ZNF653: variants seen among roughly 807,000 people sequenced by gnomAD.
The protein encoded by ZNF653 is zinc finger protein 653.
A neutral mutation model predicts 59.9 loss-of-function variants in ZNF653; 37 were observed. That is an observed-to-expected ratio of 0.62 (90% CI 0.48 to 0.81). The LOEUF (loss-of-function observed/expected upper bound fraction) is 0.81. Among genes scored for constraint, ZNF653 ranks in the 40% least tolerant of loss-of-function variants. The probability of loss-of-function intolerance (pLI) is 0.00; values close to 1 mark genes in which losing one functional copy is unlikely to be tolerated. For missense variants in ZNF653, 808 were observed against 881.1 expected, an observed-to-expected ratio of 0.92 and a Z score of 1.05; for synonymous variants, 435 against 371.8, an observed-to-expected ratio of 1.17 and a Z score of -1.96.
rs531195668 is a variant in ZNF653, at chr19:11,502,120, C to G, written c.299+3368G>C. On this transcript the variant is annotated intron_variant, in intron 1 of 8. Transcript: ENST00000293771. The stretch of plus-strand genomic sequence containing the variant: ...TTTTTATTTTACTTTTTGAGACAGT[C>G]TTGCTCTATTGCCCAGGCTGGAGTA... Among the ~76,000 whole-genome samples the G allele has an allele frequency of 3.3e-5, 5 of 149,804 alleles. No individual in the cohort carries two copies. The South Asian group carries it at 1.1e-3, about 32-fold the overall frequency.
At position 11,483,591 on chromosome 19, in the gene ZNF653, C is replaced by T; in HGVS notation, c.*91G>A. On this transcript the variant is annotated 3_prime_UTR_variant, in exon 9 of 9. Coordinates refer to ENST00000293771, the MANE Select transcript of ZNF653 (RefSeq NM_138783.4). ...GGGCGCCTCCTTCCGGCCCGCGGTC[C>T]GGGCGGCCCTCGCAGCTGTCCAGGC... 6.8e-7 allele frequency: 1 copy of T among 1,475,820 alleles called. No individual in the cohort carries two copies. The highest frequency in any genetic ancestry group is 9.0e-7 in the Non-Finnish European group (1 of 1,107,582). The allele number at this position is 1,475,820 out of a possible 1,614,324, so 91.4% of individuals were successfully genotyped here.
At chr19:11,494,276 C>T (rs748582079) in intron 3 of ZNF653, among the ~76,000 whole-genome samples, 1 of 149,660 alleles carries the variant, frequency 6.7e-6, no homozygotes, top group South Asian at 2.1e-4. Flanking sequence ...GAGCCAAGAT[C>T]GCACCACTGC....
chr19:11,493,996 G>A (rs1395055020), intron 3 of ZNF653, among the ~76,000 whole-genome samples: 1 of 151,680 alleles, frequency 6.6e-6, no homozygotes, highest in East Asian at 1.9e-4. Context: ...TCCAGCCTGG[G>A]CAACCGTGAG....
intron 2 of ZNF653, 45 bp downstream of exon 2, chr19:11,498,251 C>T (rs769658298): frequency 3.8e-5 from 62 of 1,613,102 alleles, no homozygotes; most frequent in Admixed American, 1.0e-4. Context: ...ATATTCCCAC[C>T]GCTCCCAACT....
intron 1 of ZNF653, among the ~76,000 whole-genome samples, chr19:11,501,304 G>C (rs1390064226): frequency 6.6e-6 from 1 of 151,392 alleles, no homozygotes; most frequent in Admixed American, 6.6e-5. Flanking sequence ...TCAGCCTCCT[G>C]AGTAGCTGGG....
rs1568393696 is a variant in ZNF653 at position 11,487,617 on chromosome 19, A to AGGCACC, written c.840_845dup (p.Pro282_Val283dup). On this transcript the variant is annotated inframe_insertion, in exon 4 of 9. Coordinates refer to ENST00000293771, the MANE Select transcript of ZNF653 (RefSeq NM_138783.4). This position sits in a 1 kb window ranked among gnomAD's most constrained non-coding sequence, Gnocchi z 5.1. ...CGCTGGGGCCCGCACCCACTTGCACAGGCACCGGCACGCACACCACTGTCT... is the reference window on the plus strand; with the variant it reads ...CGCTGGGGCCCGCACCCACTTGCACAGGCACCGGCACCGGCACGCACACCACTGTCT... 16 of 1,613,738 alleles carry AGGCACC rather than the reference A, an allele frequency of 9.9e-6. No homozygotes were observed. Among genetic ancestry groups the AGGCACC allele is most frequent in the Non-Finnish European group, 1.4e-5 (16 of 1,179,982 alleles).
Position 11,483,934 on chromosome 19 carries a change from C to T in ZNF653, c.1671-75G>A, listed in dbSNP as rs921258379. 3.0e-5 allele frequency: 46 copies of T among 1,517,796 alleles called. No homozygotes were observed. In the Admixed American group the frequency reaches 6.9e-4, roughly 23 times the overall value. 94.0% of individuals were successfully genotyped at this position (1,517,796 alleles called of 1,614,324 possible). On this transcript the variant is annotated intron_variant, in intron 8 of 8. Transcript: ENST00000293771. ...GGGCGGGGCCCTACAAGGCCGAGCG[C>T]AGGTGGAACCGGGCCCAGACACTGC...
At chr19:11,492,613 G>C (rs1971540455) in intron 3 of ZNF653, among the ~76,000 whole-genome samples, 1 of 151,972 alleles carries the variant, frequency 6.6e-6, no homozygotes, top group Non-Finnish European at 1.5e-5. Context: ...CAAAGCACTG[G>C]GATTACAGGC....
intron 7 of ZNF653, among the ~76,000 whole-genome samples, chr19:11,485,400 A>G (rs1971455207): frequency 6.6e-6 from 1 of 152,114 alleles, no homozygotes; most frequent in Non-Finnish European, 1.5e-5. Flanking sequence ...TGCTCTTGGG[A>G]TCATGGGGCA....
chr19:11,491,417 C>T (rs1348188229), intron 3 of ZNF653, among the ~76,000 whole-genome samples: 5 of 152,154 alleles, frequency 3.3e-5, no homozygotes, highest in Non-Finnish European at 7.4e-5. Context: ...ATGGAAGCAC[C>T]AGGCTTTGTA....
At chr19:11,493,064 T>G (rs1322483246) in intron 3 of ZNF653, among the ~76,000 whole-genome samples, 1 of 145,634 alleles carries the variant, frequency 6.9e-6, no homozygotes, top group East Asian at 2.1e-4. Flanking sequence ...CGGGAGTGTT[T>G]TTTTTTTTTT....
chr19:11,485,952 A>AT (rs1053596795), intron 6 of ZNF653, among the ~76,000 whole-genome samples, 182 bp from the exon 7 acceptor site: 6 of 151,460 alleles, frequency 4.0e-5, no homozygotes, highest in Admixed American at 2.0e-4. Flanking sequence ...GGGTAGCTTT[A>AT]TTTTTTTTAT....
In ZNF653 at chr19:11,495,597, C is replaced by T. The variant is rs1265276847; in HGVS notation, c.559+353G>A. On this transcript the variant is annotated intron_variant, in intron 3 of 8. Coordinates refer to ENST00000293771, the MANE Select transcript of ZNF653 (RefSeq NM_138783.4). This position sits in a 1 kb window ranked among gnomAD's most constrained non-coding sequence, Gnocchi z 4.9. ...AGCCATAAGGCCTGGGTGGTTTAGG[C>T]GGCCGTTTCGCTGTGGGGGCCGAGC... The T allele has an allele frequency of 8.7e-6, 3 of 342,872 alleles. No homozygotes were observed. Among genetic ancestry groups the T allele is most frequent in the Non-Finnish European group, 1.1e-5 (2 of 179,122 alleles). 21.2% of individuals were successfully genotyped at this position (342,872 alleles called of 1,614,324 possible). A position where few individuals can be genotyped will look rare whatever the true frequency, so the allele number is the denominator to read the frequency against.
intron 8 of ZNF653, 86 bp from the exon 9 acceptor site, chr19:11,483,945 G>T: frequency 6.6e-7 from 1 of 1,518,016 alleles, no homozygotes; most frequent in Non-Finnish European, 8.8e-7. Flanking sequence ...AGGTGGAACC[G>T]GGCCCAGACA....
intron 1 of ZNF653, among the ~76,000 whole-genome samples, chr19:11,501,695 C>T (rs1246389931): frequency 3.9e-5 from 6 of 152,196 alleles, no homozygotes; most frequent in African/African-American, 1.4e-4. Context: ...GCCCAGTGCT[C>T]CACTGGCACC....
At chr19:11,503,618 G>A (rs1971669932) in intron 1 of ZNF653, among the ~76,000 whole-genome samples, 1 of 151,954 alleles carries the variant, frequency 6.6e-6, no homozygotes, top group South Asian at 2.1e-4. Flanking sequence ...ACCAGCCTGG[G>A]CAACATGGCG....
intron 1 of ZNF653, chr19:11,505,100 C>G (rs932214085): frequency 5.1e-6 from 1 of 197,736 alleles, no homozygotes; most frequent in Admixed American, 6.2e-5. Flanking sequence ...TGTCCAGAGT[C>G]CCAGGCCAGG....
chr19:11,487,008 T>C lies in ZNF653; in HGVS notation c.1322A>G (p.Glu441Gly). Residue 441 changes from glutamate to glycine, a missense_variant, in exon 5 of 9, where the codon GAA (glutamate) becomes GGA (glycine). Coordinates refer to ENST00000293771, the MANE Select transcript of ZNF653 (RefSeq NM_138783.4). The surrounding 1 kb of genome is among the most constrained non-coding windows in gnomAD (Gnocchi z 5.1). ...DGSDMSAIIY[E>G]IPKEPEKRRR... ...CCACTTCTCAGGCTCCTTGGGGATTTCATAGATGATGGCTGACATGTCGCT... is the reference window on the plus strand; with the variant it reads ...CCACTTCTCAGGCTCCTTGGGGATTCCATAGATGATGGCTGACATGTCGCT... 6.2e-7 allele frequency: 1 copy of C among 1,614,082 alleles called. No homozygotes were observed. Among genetic ancestry groups the C allele is most frequent in the Admixed American group, 1.7e-5 (1 of 60,026 alleles).
chr19:11,505,465 C>T lies in ZNF653; in HGVS notation c.299+23G>A, dbSNP rs976564029. 3 of 1,436,868 alleles carry T rather than the reference C, an allele frequency of 2.1e-6. No homozygotes were observed. The African/African-American group carries it at 4.5e-5, about 22-fold the overall frequency. The allele number at this position is 1,436,868 out of a possible 1,614,324, so 89.0% of individuals were successfully genotyped here. On this transcript the variant is annotated intron_variant, in intron 1 of 8. Transcript: ENST00000293771. ...GTCTGGGGGCGTCTCCTCCCTCCCT[C>T]CCTCGGGGCCAGGCCCCCTCACCCG...
Sources: gnomAD v4.1 joint callset for allele counts (sites outside exome capture counted in the v4.1 genomes callset) on GRCh38, gnomAD v4.1.1 for gene constraint, Gnocchi (gnomAD v3.1) non-coding constraint, MANE v1.5 for transcripts, NCBI Gene and HGNC (gene_info 2026-07-23, HGNC 2026-07-21) for gene names.